Variants in RASGRP3 observed in about 807,000 individuals in gnomAD.
RASGRP3 encodes the protein RAS guanyl releasing protein 3.
Under a neutral mutation model 82.7 loss-of-function variants are expected in RASGRP3, and 54 were observed. That is an observed-to-expected ratio of 0.65 (90% CI 0.52 to 0.82). The LOEUF (loss-of-function observed/expected upper bound fraction) is 0.82. Ranked by LOEUF, RASGRP3 falls within the 40% of genes least tolerant of loss-of-function variation. The probability of loss-of-function intolerance (pLI) is 0.00; values close to 1 mark genes in which losing one functional copy is unlikely to be tolerated. For synonymous variants in RASGRP3, 309 were observed against 300.5 expected, an observed-to-expected ratio of 1.03 and a Z score of -0.29; for missense variants, 861 against 828.9, an observed-to-expected ratio of 1.04 and a Z score of -0.48.
intron 17 of RASGRP3, among the ~76,000 whole-genome samples, chr2:33,560,224 C>G (rs141319140): frequency 3.3e-5 from 5 of 152,288 alleles, no homozygotes; most frequent in African/African-American, 1.2e-4. Context: ...CACGAGCAGT[C>G]ATTCTCCCCC....
chr2:33,479,416 A>T (rs368510608), intron 1 of RASGRP3, among the ~76,000 whole-genome samples: 8 of 145,824 alleles, frequency 5.5e-5, no homozygotes, highest in East Asian at 2.0e-4. Context: ...CAGCCACTCC[A>T]CCCATGCCCC....
intron 1 of RASGRP3, among the ~76,000 whole-genome samples, chr2:33,501,785 G>T (rs1445170373): frequency 6.6e-6 from 1 of 152,204 alleles, no homozygotes; most frequent in East Asian, 1.9e-4. Flanking sequence ...TAGGAAAGGA[G>T]TCTGCAGATG....
chr2:33,511,036 A>G (rs1206427572), intron 1 of RASGRP3, among the ~76,000 whole-genome samples: 1 of 152,230 alleles, frequency 6.6e-6, no homozygotes, highest in East Asian at 1.9e-4. Context: ...AACATATTGT[A>G]GCCTTTGAAA....
Position 33,483,696 on chromosome 2 carries a change from T to A in RASGRP3, c.-261+6989T>A, listed in dbSNP as rs188408660. 7.7e-3 allele frequency among the ~76,000 whole-genome samples: 1,177 copies of A among 152,144 alleles called. 14 individuals are homozygous for A. The highest frequency in any genetic ancestry group is 0.027 in the African/African-American group (1,135 of 41,504). ...GAGAGACGGGGTTTTGCCATGTTGA[T>A]CAGGCTGGTCTTGAATTCCTGACCT... is the stretch of plus-strand genomic sequence containing the variant. On this transcript the variant is annotated intron_variant, in intron 1 of 17. Coordinates refer to ENST00000403687, the MANE Select transcript of RASGRP3 (RefSeq NM_001139488.2).
chr2:33,484,221 AAAG>A (rs1379055000), intron 1 of RASGRP3, among the ~76,000 whole-genome samples: 2 of 152,238 alleles, frequency 1.3e-5, no homozygotes, highest in Non-Finnish European at 2.9e-5. Context: ...TGAAAGGAGT[AAAG>A]AAGAAATGTC....
intron 10 of RASGRP3, among the ~76,000 whole-genome samples, chr2:33,528,093 C>A (rs946794214): frequency 3.3e-5 from 5 of 152,206 alleles, no homozygotes; most frequent in African/African-American, 1.2e-4. Flanking sequence ...CTTTCTGGAG[C>A]ATTCTCTCTC....
intron 1 of RASGRP3, among the ~76,000 whole-genome samples, chr2:33,504,172 C>T (rs1670137552): frequency 6.6e-6 from 1 of 152,154 alleles, no homozygotes; most frequent in South Asian, 2.1e-4. Flanking sequence ...ATATTTCCAA[C>T]CACCTTACTG....
chr2:33,538,179 G>A (rs937696826), intron 11 of RASGRP3, among the ~76,000 whole-genome samples: 2 of 152,150 alleles, frequency 1.3e-5, no homozygotes, highest in African/African-American at 2.4e-5. Flanking sequence ...TGGATGGACT[G>A]GGAGCGCATT....
At chr2:33,511,032 T>C (rs769610657) in intron 1 of RASGRP3, among the ~76,000 whole-genome samples, 10 of 152,222 alleles carry the variant, frequency 6.6e-5, no homozygotes, top group Non-Finnish European at 1.2e-4. Flanking sequence ...CAAGAACATA[T>C]TGTAGCCTTT....
At chr2:33,549,542 G>A in intron 13 of RASGRP3, 62 bp from the exon 14 acceptor site, 1 of 1,492,788 alleles carries the variant, frequency 6.7e-7, no homozygotes, top group East Asian at 2.4e-5. Flanking sequence ...TGATTAAAGT[G>A]TGGCAACTAC....
chr2:33,521,727 A>T (rs1435725445), intron 6 of RASGRP3, among the ~76,000 whole-genome samples: 2 of 152,230 alleles, frequency 1.3e-5, no homozygotes, highest in Non-Finnish European at 2.9e-5. Flanking sequence ...CTAAGTAAGA[A>T]ATTCTGGATG....
intron 1 of RASGRP3, among the ~76,000 whole-genome samples, chr2:33,446,274 A>G (rs1665494827): frequency 6.6e-6 from 1 of 152,100 alleles, no homozygotes; most frequent in Admixed American, 6.6e-5. Flanking sequence ...CTCCTGCCTC[A>G]ACCTCCCTAG....
chr2:33,480,858 A>G (rs1293748611), intron 1 of RASGRP3, among the ~76,000 whole-genome samples: 1 of 152,132 alleles, frequency 6.6e-6, no homozygotes, highest in Non-Finnish European at 1.5e-5. Context: ...AGTGATTATT[A>G]TAGCTTCAGA....
intron 1 of RASGRP3, among the ~76,000 whole-genome samples, chr2:33,488,097 T>C (rs1458015952): frequency 6.6e-6 from 1 of 152,250 alleles, no homozygotes; most frequent in Non-Finnish European, 1.5e-5. Context: ...TCATGGCTGA[T>C]TCTTACTCGA....
Position 33,501,657 on chromosome 2 carries a change from G to A in RASGRP3, c.-260-10053G>A, listed in dbSNP as rs138909152. On this transcript the variant is annotated intron_variant, in intron 1 of 17. Transcript: ENST00000403687. ...CCTACTCCCTTCCTCTGCAGTTTGC[G>A]TGTAGCTTGTCTCTGTTTGGTTTGG... 8.9e-4 allele frequency among the ~76,000 whole-genome samples: 136 copies of A among 152,292 alleles called. No individual in the cohort carries two copies. In the East Asian group the frequency reaches 0.012, roughly 13 times the overall value.
intron 1 of RASGRP3, among the ~76,000 whole-genome samples, chr2:33,508,685 T>G (rs1670637400): frequency 6.6e-6 from 1 of 152,280 alleles, no homozygotes; most frequent in Non-Finnish European, 1.5e-5. Flanking sequence ...ACAAAAGCCA[T>G]TGTGAAAAGA....
chr2:33,538,765 G>A (rs531648710), intron 11 of RASGRP3, among the ~76,000 whole-genome samples: 11 of 152,224 alleles, frequency 7.2e-5, no homozygotes, highest in South Asian at 2.1e-4. Context: ...ATGGCCAGGC[G>A]TGGTAGCTCA....
intron 15 of RASGRP3, 65 bp downstream of exon 15, chr2:33,555,632 C>T (rs1675866729): frequency 7.5e-7 from 1 of 1,335,446 alleles, no homozygotes; most frequent in Non-Finnish European, 1.1e-6. Flanking sequence ...TCAAATTTGT[C>T]TGGTTAAACT....
intron 9 of RASGRP3, among the ~76,000 whole-genome samples, chr2:33,525,702 A>G (rs1337787668): frequency 2.4e-5 from 2 of 83,870 alleles, no homozygotes; most frequent in Middle Eastern, 8.8e-3. Flanking sequence ...GTCTCTACAA[A>G]AAAAAAAAAA....
Sources: gnomAD v4.1 joint callset for allele counts (sites outside exome capture counted in the v4.1 genomes callset) on GRCh38, gnomAD v4.1.1 for gene constraint, MANE v1.5 for transcripts, NCBI Gene and HGNC (gene_info 2026-07-23, HGNC 2026-07-21) for gene names.